JPH2: variants seen among roughly 807,000 people sequenced by gnomAD.
JPH2 encodes junctophilin 2.
JPH2 carries 38 observed loss-of-function variants against 55.9 expected under a neutral mutation model. That is an observed-to-expected ratio of 0.68 (90% CI 0.52 to 0.89). JPH2 has a LOEUF of 0.89. JPH2 is among the 40% of genes least tolerant of loss of function. The pLI is 0.00. For synonymous variants in JPH2, 480 were observed against 472.4 expected, an observed-to-expected ratio of 1.02 and a Z score of -0.21; for missense variants, 964 against 1,037.6, an observed-to-expected ratio of 0.93 and a Z score of 0.97.
At chr20:44,134,325 A>ATATATATAATAAATATTTATT (rs1383130666) in intron 2 of JPH2, among the ~76,000 whole-genome samples, 1 of 2,720 alleles carries the variant, frequency 3.7e-4, no homozygotes, top group South Asian at 0.022. Flanking sequence ...ATAAATATAT[A>ATATATATAATAAATATTTATT]ATAAATATAT....
chr20:44,137,606 A>G (rs2072423482), intron 2 of JPH2, among the ~76,000 whole-genome samples: 1 of 152,224 alleles, frequency 6.6e-6, no homozygotes, highest in Non-Finnish European at 1.5e-5. Context: ...GGAAGAAGCC[A>G]CCAGGCGGGG....
chr20:44,165,115 G>T (rs936920940), intron 1 of JPH2, among the ~76,000 whole-genome samples: 14 of 152,280 alleles, frequency 9.2e-5, no homozygotes, highest in African/African-American at 3.4e-4. Context: ...GGGATTGCAG[G>T]TGTGAGCTAC....
intron 2 of JPH2, among the ~76,000 whole-genome samples, chr20:44,123,101 C>T (rs1417457054): frequency 6.6e-6 from 1 of 152,208 alleles, no homozygotes; most frequent in African/African-American, 2.4e-5. Flanking sequence ...GGGGCGGCCA[C>T]ACAGCCCAGG....
intron 2 of JPH2, among the ~76,000 whole-genome samples, chr20:44,139,062 CT>C (rs2072437322): frequency 6.6e-6 from 1 of 152,156 alleles, no homozygotes; most frequent in Non-Finnish European, 1.5e-5. Context: ...CTAAAGTCAT[CT>C]CCCAAAGGAT....
chr20:44,134,692 T>TATTTATTATAA lies in JPH2; in HGVS notation c.1170-16070_1170-16069insTTATAATAAAT, dbSNP rs1569195238. 3.6e-3 allele frequency among the ~76,000 whole-genome samples: 121 copies of TATTTATTATAA among 33,760 alleles called. 36 individuals are homozygous for TATTTATTATAA. Among genetic ancestry groups the TATTTATTATAA allele is most frequent in the African/African-American group, 5.9e-3 (45 of 7,634 alleles). The allele number at this position is 33,760 out of a possible 152,430, so 22.1% of individuals were successfully genotyped here. A position where few individuals can be genotyped will look rare whatever the true frequency, so the allele number is the denominator to read the frequency against. On this transcript the variant is annotated intron_variant, in intron 2 of 5. Transcript: ENST00000372980. ...AATATATATTTATAAATATTATAAA[T>TATTTATTATAA]ATATATACATTAATATATATTATAA...
chr20:44,131,274 T>C (rs1219084956), intron 2 of JPH2, among the ~76,000 whole-genome samples: 6 of 152,186 alleles, frequency 3.9e-5, no homozygotes, highest in Admixed American at 6.5e-5. Context: ...CTCAGTCTAA[T>C]AGGCTGCAAG....
At chr20:44,182,836 A>T (rs995636193) in intron 1 of JPH2, among the ~76,000 whole-genome samples, 1 of 152,188 alleles carries the variant, frequency 6.6e-6, no homozygotes, top group African/African-American at 2.4e-5. Context: ...CCCCCACCCT[A>T]AAACTTGCTG....
intron 1 of JPH2, among the ~76,000 whole-genome samples, chr20:44,186,120 T>G (rs2072837409): frequency 6.6e-6 from 1 of 152,150 alleles, no homozygotes; most frequent in African/African-American, 2.4e-5. Flanking sequence ...CCACTAATCC[T>G]CTCAATAACC....
At chr20:44,165,644 C>T (rs2072651254) in intron 1 of JPH2, among the ~76,000 whole-genome samples, 2 of 152,192 alleles carry the variant, frequency 1.3e-5, no homozygotes, top group South Asian at 4.1e-4. Flanking sequence ...TCCCCATTCA[C>T]TCCTCTGTGC....
intron 1 of JPH2, among the ~76,000 whole-genome samples, chr20:44,171,669 G>A (rs145379782): frequency 6.6e-6 from 1 of 152,246 alleles, no homozygotes; most frequent in East Asian, 1.9e-4. Flanking sequence ...CTGCCTGCCT[G>A]TGCGGCCTCC....
rs2072594160 is a variant in JPH2 at position 44,159,877 on chromosome 20, C to T, written c.910G>A (p.Gly304Ser). The T allele has an allele frequency of 6.2e-7, 1 of 1,613,416 alleles. No homozygotes were observed. Among genetic ancestry groups the T allele is most frequent in the Non-Finnish European group, 8.5e-7 (1 of 1,179,850 alleles). Residue 304 changes from glycine (G) to serine (S), a missense_variant, in exon 2 of 6, where the codon GGC becomes AGC. By Grantham distance (56) the Gly-to-Ser change is moderately conservative (BLOSUM62 0). Coordinates refer to ENST00000372980, the MANE Select transcript of JPH2 (RefSeq NM_020433.5). The surrounding 1 kb of genome is among the most constrained non-coding windows in gnomAD (Gnocchi z 5.7). The part of the protein sequence containing the change: ...EWKNDKRSGF[G>S]VSERSSGLRY... The stretch of plus-strand genomic sequence containing the variant: ...AGGCCACTGGAGCGTTCGCTCACGC[C>T]GAAGCCCGAGCGTTTGTCGTTCTTC...
chr20:44,186,921 A>G lies in JPH2; in HGVS notation c.-216T>C. Reference sequence around the variant, plus strand: ...GTCAGTGCCATGCCCGGGAGCCCCGACTCCACCAGCCAGAGCAAGGCTGCC... The same window carrying G: ...GTCAGTGCCATGCCCGGGAGCCCCGGCTCCACCAGCCAGAGCAAGGCTGCC... On this transcript the variant is annotated 5_prime_UTR_variant, in exon 1 of 6. Transcript: ENST00000372980. 1 of 596,596 alleles carries G rather than the reference A, an allele frequency of 1.7e-6. No individual in the cohort carries two copies. The highest frequency in any genetic ancestry group is 3.0e-6 in the Non-Finnish European group (1 of 335,628). 37.0% of individuals were successfully genotyped at this position (596,596 alleles called of 1,614,324 possible). A position where few individuals can be genotyped will look rare whatever the true frequency, so the allele number is the denominator to read the frequency against.
chr20:44,143,194 T>C (rs1364631318), intron 2 of JPH2, among the ~76,000 whole-genome samples: 1 of 151,938 alleles, frequency 6.6e-6, no homozygotes, highest in Admixed American at 6.6e-5. Flanking sequence ...GGGAGAGTGG[T>C]ATGAGATGAG....
rs1366694338 is a variant in JPH2 at position 44,183,997 on chromosome 20, T to TA, written c.379+2329dup. On this transcript the variant is annotated intron_variant, in intron 1 of 5. Coordinates refer to ENST00000372980, the MANE Select transcript of JPH2 (RefSeq NM_020433.5). ...CAAAATCCCATTTCTACCAAAAAAT[T>TA]AAAAAAAAAAAAATTAGCCAGGTGA... 5.2e-3 allele frequency among the ~76,000 whole-genome samples: 742 copies of TA among 142,680 alleles called. 9 individuals carry two copies. The highest frequency in any genetic ancestry group is 0.016 in the African/African-American group (595 of 38,328). The allele number at this position is 142,680 out of a possible 152,430, so 93.6% of individuals were successfully genotyped here.
At position 44,116,037 on chromosome 20, in the gene JPH2, C is replaced by G. The variant is rs776018942; in HGVS notation, c.1638G>C (p.Glu546Asp). 2.5e-6 allele frequency: 4 copies of G among 1,574,580 alleles called. No homozygotes were observed. Among genetic ancestry groups the G allele is most frequent in the Non-Finnish European group, 3.4e-6 (4 of 1,169,122 alleles). ...ACGGCGCAGGCGGTGCCTGCAGAGCCTCGATGGCCATGCGCTCGGTGGCTG... is the reference window on the plus strand; with the variant it reads ...ACGGCGCAGGCGGTGCCTGCAGAGCGTCGATGGCCATGCGCTCGGTGGCTG... ...ARPATERMAI[E>D]ALQAPPAPSR... The change falls in exon 4 of 6, where the codon GAG becomes GAC. Residue 546 changes from glutamate to aspartate, a missense_variant. Transcript: ENST00000372980.
intron 1 of JPH2, among the ~76,000 whole-genome samples, chr20:44,162,792 A>G (rs1395267365): frequency 0.011 from 641 of 58,096 alleles, 8 homozygotes; most frequent in African/African-American, 0.032. Flanking sequence ...ATATATACAC[A>G]CACACACACA....
At chr20:44,149,887 A>G (rs376352472) in intron 2 of JPH2, among the ~76,000 whole-genome samples, 9 of 147,772 alleles carry the variant, frequency 6.1e-5, no homozygotes, top group African/African-American at 2.2e-4. Flanking sequence ...CTGAGGCATG[A>G]GAATTGTTTG....
intron 2 of JPH2, among the ~76,000 whole-genome samples, chr20:44,155,676 T>C (rs976864269): frequency 6.6e-6 from 1 of 152,122 alleles, no homozygotes; most frequent in African/African-American, 2.4e-5. Context: ...CATCCTCAGT[T>C]TATAAGAAAC....
chr20:44,142,780 C>G (rs191611085), intron 2 of JPH2, among the ~76,000 whole-genome samples: 185 of 152,338 alleles, frequency 1.2e-3, no homozygotes, highest in Middle Eastern at 0.01. Flanking sequence ...TGGCACAGAG[C>G]AGGCTCTCAA....
Sources: gnomAD v4.1 joint callset for allele counts (sites outside exome capture counted in the v4.1 genomes callset) on GRCh38, gnomAD v4.1.1 for gene constraint, Gnocchi (gnomAD v3.1) non-coding constraint, MANE v1.5 for transcripts, NCBI Gene and HGNC (gene_info 2026-07-23, HGNC 2026-07-21) for gene names.